ADK: variants seen among roughly 807,000 people sequenced by gnomAD.
The protein encoded by ADK is adenosine kinase, also known as N6,N6-dimethyladenosine kinase.
ADK carries 24 observed loss-of-function variants against 44.7 expected under a neutral mutation model. That is an observed-to-expected ratio of 0.54 (90% CI 0.39 to 0.76). The LOEUF is 0.76. ADK is among the 30% of genes least tolerant of loss of function. The pLI, the probability that ADK is intolerant of heterozygous loss-of-function variation, is 0.00. For synonymous variants in ADK, 128 were observed against 142.6 expected, an observed-to-expected ratio of 0.90 and a Z score of 0.73; for missense variants, 321 against 425.1, an observed-to-expected ratio of 0.76 and a Z score of 2.15.
chr10:74,498,369 T>A (rs1589174457), intron 6 of ADK, among the ~76,000 whole-genome samples: 1 of 152,216 alleles, frequency 6.6e-6, no homozygotes, highest in Non-Finnish European at 1.5e-5. Context: ...CATGTGGTGT[T>A]ATGGAATTCA....
intron 4 of ADK, among the ~76,000 whole-genome samples, chr10:74,323,820 T>A (rs1840906041): frequency 1.3e-5 from 2 of 152,134 alleles, no homozygotes; most frequent in African/African-American, 4.8e-5. Context: ...TCCGCCCGCC[T>A]TGGCCTCCCA....
At chr10:74,690,896 C>T (rs1855968510) in intron 10 of ADK, among the ~76,000 whole-genome samples, 1 of 152,178 alleles carries the variant, frequency 6.6e-6, no homozygotes, top group Non-Finnish European at 1.5e-5. Context: ...CCAGGTACTT[C>T]TGACAGATTC....
chr10:74,231,177 C>T lies in ADK; in HGVS notation c.194+6586C>T, dbSNP rs188401917. Among the ~76,000 whole-genome samples, 240 of 152,304 alleles carry T rather than the reference C, an allele frequency of 1.6e-3. 4 individuals carry two copies. Among genetic ancestry groups the T allele is most frequent in the Admixed American group, 6.5e-4 (10 of 15,304 alleles). On this transcript the variant is annotated intron_variant, in intron 3 of 10. Transcript: ENST00000539909. ...CAAATACAAGGCACTTTACATTCTT[C>T]TAAGGAGAGGATGCAACACAAAGCT...
At chr10:74,508,182 G>T (rs1848155728) in intron 6 of ADK, among the ~76,000 whole-genome samples, 1 of 152,096 alleles carries the variant, frequency 6.6e-6, no homozygotes, top group Admixed American at 6.5e-5. Flanking sequence ...AGTGATTAGG[G>T]TGATTAATCT....
chr10:74,695,476 G>A (rs1589376751), intron 10 of ADK, among the ~76,000 whole-genome samples: 1 of 149,506 alleles, frequency 6.7e-6, no homozygotes, highest in East Asian at 2.1e-4. Flanking sequence ...ATATATATGT[G>A]TGTGTGTGTG....
intron 6 of ADK, among the ~76,000 whole-genome samples, chr10:74,480,193 T>C (rs72818588): frequency 0.05 from 7,554 of 150,514 alleles, 259 homozygotes; most frequent in Middle Eastern, 0.086. Flanking sequence ...TCTTGAAGTC[T>C]AAGGCAGCCT....
At chr10:74,417,385 G>T (rs1844409768) in intron 6 of ADK, among the ~76,000 whole-genome samples, 1 of 151,926 alleles carries the variant, frequency 6.6e-6, no homozygotes, top group Non-Finnish European at 1.5e-5. Context: ...AGTCTGTCAG[G>T]GTTGTGAATG....
intron 1 of ADK, among the ~76,000 whole-genome samples, chr10:74,178,860 C>T (rs911138119): frequency 6.6e-6 from 1 of 152,144 alleles, no homozygotes; most frequent in Admixed American, 6.5e-5. Flanking sequence ...CCTGAGGAAA[C>T]TGAGACAAAA....
At chr10:74,665,736 T>TGAGAGAGAGAGAGAGAGAGA (rs59620474) in intron 9 of ADK, among the ~76,000 whole-genome samples, 7 of 116,282 alleles carry the variant, frequency 6.0e-5, no homozygotes, top group African/African-American at 2.4e-4. Flanking sequence ...CCTTAGCTCT[T>TGAGAGAGAGAGAGAGAGAGA]GAGAGAGAGA....
intron 3 of ADK, among the ~76,000 whole-genome samples, chr10:74,296,807 G>T (rs936590744): frequency 6.6e-6 from 1 of 151,804 alleles, no homozygotes; most frequent in Non-Finnish European, 1.5e-5. Flanking sequence ...GTAGAGACGG[G>T]GTTTCTCCGT....
At chr10:74,303,601 T>G (rs1024883685) in intron 3 of ADK, among the ~76,000 whole-genome samples, 1 of 134,324 alleles carries the variant, frequency 7.4e-6, no homozygotes, top group African/African-American at 2.9e-5. Flanking sequence ...TTTTTTTTTT[T>G]TTTTTTTTTT....
intron 4 of ADK, among the ~76,000 whole-genome samples, chr10:74,329,310 C>G (rs1481647306): frequency 6.6e-6 from 1 of 152,072 alleles, no homozygotes; most frequent in East Asian, 1.9e-4. Flanking sequence ...TTGTAACATA[C>G]CACAGTGATT....
At chr10:74,570,366 A>G (rs996454717) in intron 7 of ADK, among the ~76,000 whole-genome samples, 8 of 152,148 alleles carry the variant, frequency 5.3e-5, no homozygotes, top group African/African-American at 7.2e-5. Context: ...ACCTTGGGCA[A>G]TATGGCCATT....
intron 6 of ADK, among the ~76,000 whole-genome samples, chr10:74,516,354 A>G (rs991009502): frequency 6.6e-6 from 1 of 152,000 alleles, no homozygotes; most frequent in Non-Finnish European, 1.5e-5. Flanking sequence ...CCACAGGTGC[A>G]TCTTCATTCT....
chr10:74,356,417 A>T (rs1440026541), intron 4 of ADK, among the ~76,000 whole-genome samples: 1 of 152,234 alleles, frequency 6.6e-6, no homozygotes, highest in Admixed American at 6.5e-5. Flanking sequence ...TCACTAGTGG[A>T]TCACACTCTG....
intron 4 of ADK, among the ~76,000 whole-genome samples, chr10:74,356,014 T>TTTTTTTTTTTTTTTTTTTTTTTTG (rs1554847186): frequency 7.8e-6 from 1 of 128,214 alleles, no homozygotes; most frequent in Non-Finnish European, 1.7e-5. Context: ...TTTTTTTTTT[T>TTTTTTTTTTTTTTTTTTTTTTTTG]TTTTTTTTTT....
At chr10:74,364,885 C>T (rs1348968827) in intron 4 of ADK, among the ~76,000 whole-genome samples, 3 of 152,058 alleles carry the variant, frequency 2.0e-5, no homozygotes, top group Admixed American at 6.5e-5. Flanking sequence ...CAGTCTTTTC[C>T]TGACACTTTC....
intron 1 of ADK, among the ~76,000 whole-genome samples, chr10:74,181,530 A>T (rs562501436): frequency 6.6e-6 from 1 of 152,312 alleles, no homozygotes; most frequent in East Asian, 1.9e-4. Context: ...AATTGGCCCA[A>T]TAGTTAAGTT....
chr10:74,176,234 T>C (rs1264862664), intron 1 of ADK, among the ~76,000 whole-genome samples: 1 of 152,198 alleles, frequency 6.6e-6, no homozygotes, highest in East Asian at 1.9e-4. Flanking sequence ...GATCCAGCAA[T>C]TGACTCTCAA....
Sources: allele counts gnomAD v4.1 joint callset (sites outside exome capture counted in the v4.1 genomes callset), GRCh38; gene constraint gnomAD v4.1.1; transcripts MANE v1.5; gene names NCBI Gene and HGNC (gene_info 2026-07-23, HGNC 2026-07-21).